PPARGC1A: variants seen among roughly 807,000 people sequenced by gnomAD.
PPARGC1A encodes the protein peroxisome proliferator-activated receptor gamma coactivator 1-alpha.
Under a neutral mutation model 88.7 loss-of-function variants are expected in PPARGC1A, and 25 were observed. The ratio of observed to expected loss-of-function variants is 0.28; its 90% CI spans 0.21 to 0.39. The LOEUF is 0.39. Among genes scored for constraint, PPARGC1A ranks in the 10% least tolerant of loss-of-function variants. PPARGC1A has a pLI of 1.00. For synonymous variants in PPARGC1A, 363 were observed against 355.6 expected (o/e 1.02, Z -0.24); for missense variants, 880 against 968.7 (o/e 0.91, Z 1.22).
the PPARGC1A span, among the ~76,000 whole-genome samples, chr4:23,915,213 T>TA: frequency 1.3e-5 from 2 of 152,172 alleles, no homozygotes; most frequent in South Asian, 4.1e-4. Context: ...GCTAGGCACA[T>TA]AAAACAAGGC....
the PPARGC1A span, among the ~76,000 whole-genome samples, chr4:24,019,597 G>T: frequency 6.6e-6 from 1 of 152,100 alleles, no homozygotes; most frequent in East Asian, 1.9e-4. Flanking sequence ...TGTATCTAAG[G>T]GTTGAGTTTT....
At chr4:24,189,915 C>A in the PPARGC1A span, among the ~76,000 whole-genome samples, 1 of 152,270 alleles carries the variant, frequency 6.6e-6, no homozygotes, top group African/African-American at 2.4e-5. Context: ...CTCCCAAGCA[C>A]ACCTGCTCTG....
the PPARGC1A span, among the ~76,000 whole-genome samples, chr4:23,929,375 G>T: frequency 6.6e-6 from 1 of 152,156 alleles, no homozygotes; most frequent in Non-Finnish European, 1.5e-5. Flanking sequence ...CATAATAGAT[G>T]TTCCATCAAC....
At chr4:24,331,667 T>C in the PPARGC1A span, among the ~76,000 whole-genome samples, 1 of 152,094 alleles carries the variant, frequency 6.6e-6, no homozygotes, top group Non-Finnish European at 1.5e-5. Flanking sequence ...ACAAAACATT[T>C]TCCCCTATCA....
At chr4:23,974,529 A>G in the PPARGC1A span, among the ~76,000 whole-genome samples, 1 of 152,226 alleles carries the variant, frequency 6.6e-6, no homozygotes, top group Non-Finnish European at 1.5e-5. Context: ...TCACTTACAT[A>G]GGAGAAAATG....
the PPARGC1A span, among the ~76,000 whole-genome samples, chr4:24,003,011 C>G: frequency 6.6e-6 from 1 of 152,182 alleles, no homozygotes; most frequent in Non-Finnish European, 1.5e-5. Context: ...TCTGATTCCT[C>G]TTCTCAGTCG....
At chr4:23,984,916 A>G in the PPARGC1A span, among the ~76,000 whole-genome samples, 2 of 152,112 alleles carry the variant, frequency 1.3e-5, no homozygotes, top group African/African-American at 4.8e-5. Flanking sequence ...AGGCATTGGG[A>G]AGTTCTTGAT....
chr4:24,297,947 A>G, the PPARGC1A span, among the ~76,000 whole-genome samples: 1 of 152,208 alleles, frequency 6.6e-6, no homozygotes, highest in East Asian at 1.9e-4. Flanking sequence ...AAATAAGAGG[A>G]CATGTGGTAG....
chr4:23,998,417 G>A, the PPARGC1A span, among the ~76,000 whole-genome samples: 3,145 of 151,804 alleles, frequency 0.021, 108 homozygotes, highest in African/African-American at 0.073. Context: ...ATCATATAAC[G>A]GCAAACCTAC....
At chr4:24,382,564 G>A in the PPARGC1A span, among the ~76,000 whole-genome samples, 1 of 152,314 alleles carries the variant, frequency 6.6e-6, no homozygotes, top group South Asian at 2.1e-4. Flanking sequence ...TGTAGACTGT[G>A]ACTCATCTGT....
At chr4:24,304,329 C>T in the PPARGC1A span, among the ~76,000 whole-genome samples, 1 of 152,156 alleles carries the variant, frequency 6.6e-6, no homozygotes, top group South Asian at 2.1e-4. Context: ...CTTATTATAA[C>T]TTATTATAAC....
chr4:24,280,592 C>A, the PPARGC1A span, among the ~76,000 whole-genome samples: 1 of 152,164 alleles, frequency 6.6e-6, no homozygotes, highest in Admixed American at 6.6e-5. Flanking sequence ...TTATCTGTCT[C>A]CCTGCTAATG....
intron 2 of PPARGC1A, among the ~76,000 whole-genome samples, chr4:23,846,833 T>C (rs112198965): frequency 3.3e-5 from 5 of 152,220 alleles, no homozygotes; most frequent in African/African-American, 9.6e-5. Flanking sequence ...GAAAAAGCAA[T>C]AAGAACTCTA....
At chr4:24,200,846 A>G in the PPARGC1A span, among the ~76,000 whole-genome samples, 1 of 152,146 alleles carries the variant, frequency 6.6e-6, no homozygotes, top group Non-Finnish European at 1.5e-5. Flanking sequence ...TATATTTTAT[A>G]TGGTTTTTCA....
the PPARGC1A span, among the ~76,000 whole-genome samples, chr4:24,364,956 A>T: frequency 6.6e-6 from 1 of 152,116 alleles, no homozygotes; most frequent in African/African-American, 2.4e-5. Flanking sequence ...ATGAATTATT[A>T]CTAACTCTCA....
chr4:24,310,022 T>C, the PPARGC1A span, among the ~76,000 whole-genome samples: 13 of 152,306 alleles, frequency 8.5e-5, no homozygotes, highest in African/African-American at 2.6e-4. Flanking sequence ...TAGTTGAACA[T>C]CCAGAAGGAT....
the PPARGC1A span, among the ~76,000 whole-genome samples, chr4:24,186,763 G>T: frequency 6.6e-6 from 1 of 151,940 alleles, no homozygotes; most frequent in South Asian, 2.1e-4. Flanking sequence ...GCCTCTGGTT[G>T]CCAGAACCAT....
At chr4:24,463,563 A>G in the PPARGC1A span, among the ~76,000 whole-genome samples, 2 of 152,230 alleles carry the variant, frequency 1.3e-5, no homozygotes, top group African/African-American at 4.8e-5. Flanking sequence ...ATAAAGTGAC[A>G]CATGTGTTGG....
the PPARGC1A span, among the ~76,000 whole-genome samples, chr4:23,976,554 T>G: frequency 6.6e-6 from 1 of 152,188 alleles, no homozygotes; most frequent in African/African-American, 2.4e-5. Flanking sequence ...CACCAATACT[T>G]ATGTGTTGAA....
Sources: gnomAD v4.1 joint callset for allele counts (sites outside exome capture counted in the v4.1 genomes callset) on GRCh38, gnomAD v4.1.1 for gene constraint, MANE v1.5 for transcripts, NCBI Gene and HGNC (gene_info 2026-07-23, HGNC 2026-07-21) for gene names.